Variants in SLC6A9 observed in about 807,000 individuals in gnomAD.
The protein encoded by SLC6A9 is sodium- and chloride-dependent glycine transporter 1.
SLC6A9 carries 31 observed loss-of-function variants against 70.9 expected under a neutral mutation model. The observed-to-expected ratio is 0.44, with a 90% CI of 0.33 to 0.59. SLC6A9 has a LOEUF of 0.59. Ranked by LOEUF, SLC6A9 falls within the 20% of genes least tolerant of loss-of-function variation. The pLI is 0.04. For synonymous variants in SLC6A9, 310 were observed against 341.3 expected (o/e 0.91, Z 1.01); for missense variants, 631 against 845.2 (o/e 0.75, Z 3.14).
Position 44,002,417 on chromosome 1 carries a change from C to G in SLC6A9, c.859-1G>C. 1 of 1,614,026 alleles carries G rather than the reference C, an allele frequency of 6.2e-7. No homozygotes were observed. The highest frequency in any genetic ancestry group is 8.5e-7 in the Non-Finnish European group (1 of 1,179,890). ...TCTGGGAGGCAGCATCACCCCACAC[C>G]TGCAGGGAAGGACCGGTGGGTGAGG... is the stretch of plus-strand genomic sequence containing the variant. On this transcript the variant is annotated splice_acceptor_variant, in intron 7 of 13. Coordinates refer to ENST00000372310, the MANE Select transcript of SLC6A9 (RefSeq NM_001024845.3). LOFTEE classifies it high-confidence loss of function. The surrounding 1 kb of genome is among the most constrained non-coding windows in gnomAD (Gnocchi z 5.5).
intron 3 of SLC6A9, chr1:44,010,427 C>T (rs2086504924): frequency 4.8e-6 from 2 of 420,272 alleles, no homozygotes; most frequent in Non-Finnish European, 4.2e-6. Context: ...CTGCTGAACC[C>T]CAGGGAATAG....
chr1:44,005,737 A>G (rs1023936991), intron 5 of SLC6A9, among the ~76,000 whole-genome samples: 5 of 152,244 alleles, frequency 3.3e-5, no homozygotes, highest in African/African-American at 9.6e-5. Flanking sequence ...CCTGGCACCT[A>G]GTAGGTGCTC....
At chr1:44,026,479 CG>C (rs1322175552) in intron 1 of SLC6A9, among the ~76,000 whole-genome samples, 1 of 151,882 alleles carries the variant, frequency 6.6e-6, no homozygotes, top group Non-Finnish European at 1.5e-5. Context: ...ACCAATATGG[CG>C]AAATCCCGTC....
chr1:43,999,372 A>G (rs2086004408), intron 12 of SLC6A9, among the ~76,000 whole-genome samples: 1 of 151,580 alleles, frequency 6.6e-6, no homozygotes, highest in South Asian at 2.1e-4. Context: ...AATCTTGTGG[A>G]GACACCAGAT....
rs2086114016 is a variant in SLC6A9 at position 44,001,693 on chromosome 1, A to T, written c.963-66T>A. 4 of 1,283,588 alleles carry T rather than the reference A, an allele frequency of 3.1e-6. No homozygotes were observed. In the East Asian group the frequency reaches 9.3e-5, roughly 30 times the overall value. 79.5% of individuals were successfully genotyped at this position (1,283,588 alleles called of 1,614,324 possible). On this transcript the variant is annotated intron_variant, in intron 8 of 13. Coordinates refer to ENST00000372310, the MANE Select transcript of SLC6A9 (RefSeq NM_001024845.3). ...ATTTGGGCCAAGAGGAGACATGGAG[A>T]CACGGAAAGTTCTAGGTACAAAGGC... is the stretch of plus-strand genomic sequence containing the variant.
chr1:44,023,234 G>A (rs925207947), intron 2 of SLC6A9, among the ~76,000 whole-genome samples: 6 of 152,330 alleles, frequency 3.9e-5, no homozygotes, highest in Middle Eastern at 3.4e-3. Context: ...CCCCAGGGAA[G>A]ATCTCAAGAG....
Position 44,001,625 on chromosome 1 carries a change from T to C in SLC6A9, c.965A>G (p.Asp322Gly). The stretch of plus-strand genomic sequence containing the variant: ...GTTGGTGATGCTGATGATGACACTG[T>C]CCCTGATGGGGAGGAAAACAGAGTT... ...YNKFHNNCYR[D>G]SVIISITNCA... The change falls in exon 9 of 14, where the codon GAC becomes GGC. Residue 322 changes from aspartate (D) to glycine (G), a missense_variant and splice_region_variant. Transcript: ENST00000372310. 3 of 1,608,728 alleles carry C rather than the reference T, an allele frequency of 1.9e-6. No homozygotes were observed. The highest frequency in any genetic ancestry group is 2.6e-6 in the Non-Finnish European group (3 of 1,176,306).
At chr1:44,014,264 C>T (rs866458726) in intron 2 of SLC6A9, among the ~76,000 whole-genome samples, 3 of 152,154 alleles carry the variant, frequency 2.0e-5, no homozygotes, top group South Asian at 2.1e-4. Flanking sequence ...TGTGCCCTGT[C>T]ACCCTTCCTG....
At chr1:44,022,967 A>C (rs376317795) in intron 2 of SLC6A9, among the ~76,000 whole-genome samples, 7 of 151,938 alleles carry the variant, frequency 4.6e-5, no homozygotes, top group Admixed American at 2.6e-4. Context: ...CAGCCTCCCA[A>C]AGTGCTGGGA....
chr1:44,029,843 C>T (rs2087060555), intron 1 of SLC6A9, among the ~76,000 whole-genome samples: 1 of 152,210 alleles, frequency 6.6e-6, no homozygotes, highest in South Asian at 2.1e-4. Flanking sequence ...GTCCCTAGAA[C>T]CAGTCCCCTC....
chr1:43,998,627 A>G (rs1024013844), intron 12 of SLC6A9, among the ~76,000 whole-genome samples: 1 of 152,158 alleles, frequency 6.6e-6, no homozygotes, highest in African/African-American at 2.4e-5. Flanking sequence ...TAACGTTCCC[A>G]TAGACCTGAG....
At position 44,013,170 on chromosome 1, in the gene SLC6A9, T is replaced by C. The variant is rs767144509; in HGVS notation, c.31-2288A>G. Among the ~76,000 whole-genome samples the C allele has an allele frequency of 3.3e-5, 5 of 152,324 alleles. No individual in the cohort carries two copies. The highest frequency in any genetic ancestry group is 7.4e-5 in the Non-Finnish European group (5 of 68,014). On this transcript the variant is annotated intron_variant, in intron 2 of 13. Coordinates refer to ENST00000372310, the MANE Select transcript of SLC6A9 (RefSeq NM_001024845.3). The surrounding 1 kb of genome is among the most constrained non-coding windows in gnomAD (Gnocchi z 5.3). ...CAACTGATGGTCCAGGATGGACCCA[T>C]GGGCAGGGTAAGGGCAAGGCCCTTT...
rs2086655591 is a variant in SLC6A9 at position 44,013,881 on chromosome 1, T to C, written c.31-2999A>G. Among the ~76,000 whole-genome samples, 1 of 152,326 alleles carries C rather than the reference T, an allele frequency of 6.6e-6. No homozygotes were observed. Among genetic ancestry groups the C allele is most frequent in the South Asian group, 2.1e-4 (1 of 4,830 alleles). On this transcript the variant is annotated intron_variant, in intron 2 of 13. Coordinates refer to ENST00000372310, the MANE Select transcript of SLC6A9 (RefSeq NM_001024845.3). The surrounding 1 kb of genome is among the most constrained non-coding windows in gnomAD (Gnocchi z 5.3). Reference sequence around the variant, plus strand: ...TGAGCAGCTAAATCTTTTTCAATACTGTATGGCTTTTTTTCTCCCTCCTTG... The same window carrying C: ...TGAGCAGCTAAATCTTTTTCAATACCGTATGGCTTTTTTTCTCCCTCCTTG...
chr1:44,030,086 C>A (rs1174590111), intron 1 of SLC6A9, among the ~76,000 whole-genome samples: 1 of 152,024 alleles, frequency 6.6e-6, no homozygotes, highest in Non-Finnish European at 1.5e-5. Flanking sequence ...AGAGCAGGCC[C>A]GAAAGGGGGT....
At chr1:44,015,584 A>T (rs1057035120) in intron 2 of SLC6A9, among the ~76,000 whole-genome samples, 10 of 152,240 alleles carry the variant, frequency 6.6e-5, no homozygotes, top group Non-Finnish European at 1.3e-4. Flanking sequence ...CCAATGGGGA[A>T]TCTAGACAGA....
At chr1:44,009,087 C>T (rs552348819) in intron 4 of SLC6A9, among the ~76,000 whole-genome samples, 40 of 134,170 alleles carry the variant, frequency 3.0e-4, no homozygotes, top group East Asian at 1.4e-3. Flanking sequence ...AGTGCAATGG[C>T]GCGATCTCGG....
At chr1:44,000,659 A>C (rs1367548579) in intron 12 of SLC6A9, 108 bp downstream of exon 12, 3 of 724,406 alleles carry the variant, frequency 4.1e-6, no homozygotes, top group Non-Finnish European at 7.1e-6. Context: ...ATGGGTATGG[A>C]GCTCCGGCCA....
At chr1:44,019,686 G>A (rs1367101488) in intron 2 of SLC6A9, among the ~76,000 whole-genome samples, 3 of 152,264 alleles carry the variant, frequency 2.0e-5, no homozygotes, top group African/African-American at 7.2e-5. Flanking sequence ...CTGGGCCCTG[G>A]CCGTAATGAG....
At chr1:44,015,299 C>T (rs2086703186) in intron 2 of SLC6A9, among the ~76,000 whole-genome samples, 1 of 152,204 alleles carries the variant, frequency 6.6e-6, no homozygotes, top group Admixed American at 6.5e-5. Flanking sequence ...TGGTGTGACA[C>T]TCCCGCCTCC....
Sources: allele counts gnomAD v4.1 joint callset (sites outside exome capture counted in the v4.1 genomes callset), GRCh38; gene constraint gnomAD v4.1.1; non-coding constraint Gnocchi (gnomAD v3.1); transcripts MANE v1.5; gene names NCBI Gene and HGNC (gene_info 2026-07-23, HGNC 2026-07-21).